The following SORCS3 variants were observed in gnomAD, a reference collection of about 807,000 sequenced individuals.
SORCS3 encodes VPS10 domain-containing receptor SorCS3.
In SORCS3, 57 loss-of-function variants were observed where a neutral mutation model predicts 146.3. The observed-to-expected ratio is 0.39, with a 90% CI of 0.31 to 0.49. The LOEUF is 0.49. SORCS3 is among the 20% of genes least tolerant of loss of function. The pLI, the probability that SORCS3 is intolerant of heterozygous loss-of-function variation, is 0.92. For missense variants in SORCS3, 1,341 were observed against 1,575.5 expected (o/e 0.85, Z 2.52); for synonymous variants, 653 against 618.5 (o/e 1.06, Z -0.83).
chr10:104,656,184 A>C (rs1450773676), intron 1 of SORCS3, among the ~76,000 whole-genome samples: 1 of 152,034 alleles, frequency 6.6e-6, no homozygotes, highest in Non-Finnish European at 1.5e-5. Flanking sequence ...TTAGGTGCAG[A>C]GGTGAGGGCA....
chr10:104,649,165 G>A (rs1178357162), intron 1 of SORCS3, among the ~76,000 whole-genome samples: 1 of 152,172 alleles, frequency 6.6e-6, no homozygotes, highest in African/African-American at 2.4e-5. Flanking sequence ...TTCTGGATTT[G>A]TTGAGAACAG....
At chr10:104,825,000 G>C (rs182072991) in intron 1 of SORCS3, among the ~76,000 whole-genome samples, 1 of 152,328 alleles carries the variant, frequency 6.6e-6, no homozygotes. Flanking sequence ...CATCGCGGAG[G>C]CTGTCAGTGC....
intron 5 of SORCS3, among the ~76,000 whole-genome samples, chr10:105,072,657 CTCTTTTTTTTTTTTT>C (rs1214317126): frequency 8.2e-5 from 9 of 110,406 alleles, no homozygotes; most frequent in African/African-American, 3.0e-4. Flanking sequence ...TTCTCTCTCT[CTCTTTTTTTTTTTTT>C]TTTTTTTTTT....
chr10:105,019,994 C>T (rs1266634730), intron 4 of SORCS3, among the ~76,000 whole-genome samples: 1 of 152,174 alleles, frequency 6.6e-6, no homozygotes, highest in Non-Finnish European at 1.5e-5. Flanking sequence ...GCCTTCCATT[C>T]CATGAATTTT....
At chr10:104,644,852 C>T (rs956056053) in intron 1 of SORCS3, among the ~76,000 whole-genome samples, 1 of 152,184 alleles carries the variant, frequency 6.6e-6, no homozygotes, top group Non-Finnish European at 1.5e-5. Flanking sequence ...TTCAGTAACC[C>T]TATGAAATTG....
intron 2 of SORCS3, among the ~76,000 whole-genome samples, chr10:104,879,481 G>A (rs1300077672): frequency 6.6e-6 from 1 of 152,132 alleles, no homozygotes; most frequent in African/African-American, 2.4e-5. Context: ...ATAATCTCCT[G>A]ATCTCAATAT....
At chr10:105,003,243 C>G (rs1416972173) in intron 4 of SORCS3, among the ~76,000 whole-genome samples, 1 of 152,136 alleles carries the variant, frequency 6.6e-6, no homozygotes, top group East Asian at 1.9e-4. Context: ...ATTATTCTGG[C>G]CTTCAAGGAA....
intron 2 of SORCS3, among the ~76,000 whole-genome samples, chr10:104,845,204 C>T (rs1194791858): frequency 6.6e-6 from 1 of 152,102 alleles, no homozygotes; most frequent in Admixed American, 6.5e-5. Context: ...CACTTGGCTA[C>T]ATTTTTTTTT....
At chr10:105,008,964 G>A (rs2055114588) in intron 4 of SORCS3, among the ~76,000 whole-genome samples, 1 of 152,158 alleles carries the variant, frequency 6.6e-6, no homozygotes, top group Non-Finnish European at 1.5e-5. Flanking sequence ...AGTTTTGGCT[G>A]CATGTTTTCT....
intron 1 of SORCS3, among the ~76,000 whole-genome samples, chr10:104,681,031 G>A (rs1195036409): frequency 6.6e-6 from 1 of 152,226 alleles, no homozygotes; most frequent in East Asian, 1.9e-4. Context: ...GCAGAGCTCC[G>A]CCTCGGTTCC....
At chr10:104,854,246 G>T (rs1403752243) in intron 2 of SORCS3, among the ~76,000 whole-genome samples, 1 of 152,088 alleles carries the variant, frequency 6.6e-6, no homozygotes, top group African/African-American at 2.4e-5. Context: ...TTCTTGTAAT[G>T]CCTCCCTCCC....
chr10:105,185,151 T>TA (rs964855899), intron 14 of SORCS3, among the ~76,000 whole-genome samples: 1 of 152,142 alleles, frequency 6.6e-6, no homozygotes, highest in African/African-American at 2.4e-5. Context: ...CAGCTTTTGT[T>TA]AAAAAAATAA....
At chr10:105,048,591 C>T (rs1033082616) in intron 5 of SORCS3, among the ~76,000 whole-genome samples, 2 of 149,178 alleles carry the variant, frequency 1.3e-5, no homozygotes, top group Non-Finnish European at 3.0e-5. Flanking sequence ...TGTTAAATGA[C>T]GAGTTAATGG....
intron 4 of SORCS3, among the ~76,000 whole-genome samples, chr10:105,031,751 G>T (rs1419171666): frequency 6.6e-6 from 1 of 152,122 alleles, no homozygotes; most frequent in Non-Finnish European, 1.5e-5. Flanking sequence ...ATGTCTCATT[G>T]TCCTCCCAAC....
rs549836725 is a variant in SORCS3, at chr10:104,657,656, T to A, written c.627+15702T>A. Reference sequence around the variant, plus strand: ...TCTCACTCTCCTTCTGGCAGGCTAATCAGATTCCAGCAGAGCCTGAGAGCT... The same window carrying A: ...TCTCACTCTCCTTCTGGCAGGCTAAACAGATTCCAGCAGAGCCTGAGAGCT... On this transcript the variant is annotated intron_variant, in intron 1 of 26. Transcript: ENST00000369701. Among the ~76,000 whole-genome samples, 33 of 152,340 alleles carry A rather than the reference T, an allele frequency of 2.2e-4. No homozygotes were observed. In the South Asian group the frequency reaches 6.6e-3, roughly 31 times the overall value.
chr10:104,915,784 C>A (rs1425815031), intron 2 of SORCS3, 49 bp from the exon 3 acceptor site: 5 of 1,511,538 alleles, frequency 3.3e-6, no homozygotes, highest in Non-Finnish European at 4.6e-6. Flanking sequence ...GACATAGCTG[C>A]CCATTGGTAA....
chr10:105,206,588 C>T (rs910656173), intron 16 of SORCS3, among the ~76,000 whole-genome samples: 11 of 152,084 alleles, frequency 7.2e-5, no homozygotes, highest in Non-Finnish European at 1.5e-4. Flanking sequence ...AAATAAATAA[C>T]AGACTAAGAA....
At chr10:104,774,608 A>G (rs1021346982) in intron 1 of SORCS3, among the ~76,000 whole-genome samples, 10 of 152,296 alleles carry the variant, frequency 6.6e-5, no homozygotes, top group African/African-American at 2.2e-4. Flanking sequence ...GACAAGAAAG[A>G]TAGATTTGAC....
intron 1 of SORCS3, among the ~76,000 whole-genome samples, chr10:104,781,799 G>A (rs2017376897): frequency 6.6e-6 from 1 of 152,246 alleles, no homozygotes; most frequent in Non-Finnish European, 1.5e-5. Context: ...CCTGATTTGG[G>A]TATTTATGGT....
Sources: gnomAD v4.1 joint callset for allele counts (sites outside exome capture counted in the v4.1 genomes callset) on GRCh38, gnomAD v4.1.1 for gene constraint, MANE v1.5 for transcripts, NCBI Gene and HGNC (gene_info 2026-07-23, HGNC 2026-07-21) for gene names.